Variants in TBC1D21 observed in about 807,000 individuals in gnomAD.
The protein encoded by TBC1D21 is TBC1 domain family member 21.
A neutral mutation model predicts 46.0 loss-of-function variants in TBC1D21; 38 were observed. That is an observed-to-expected ratio of 0.83 (90% CI 0.64 to 1.08). The LOEUF (loss-of-function observed/expected upper bound fraction) is 1.08, where lower values mean the gene tolerates loss of function less well. Ranked by LOEUF, TBC1D21 falls within the 50% of genes least tolerant of loss-of-function variation. The probability of loss-of-function intolerance (pLI) is 0.00; values close to 1 mark genes in which losing one functional copy is unlikely to be tolerated. For missense variants in TBC1D21, 415 were observed against 417.9 expected (o/e 0.99, Z 0.06); for synonymous variants, 151 against 157.2 (o/e 0.96, Z 0.29).
At chr15:73,894,951 G>C in the TBC1D21 span, among the ~76,000 whole-genome samples, 15 of 152,328 alleles carry the variant, frequency 9.8e-5, no homozygotes, top group African/African-American at 3.6e-4. Flanking sequence ...CTTGTAGTGG[G>C]GAAGAGATTC....
At chr15:73,897,904 G>T in the TBC1D21 span, among the ~76,000 whole-genome samples, 2 of 152,000 alleles carry the variant, frequency 1.3e-5, no homozygotes, top group Non-Finnish European at 2.9e-5. Flanking sequence ...CCTGTGAGCA[G>T]GTGCAGTGGG....
chr15:73,888,465 G>C lies in TBC1D21; in HGVS notation c.930G>C (p.Glu310Asp). 6.2e-7 allele frequency: 1 copy of C among 1,614,048 alleles called. No individual in the cohort carries two copies. The highest frequency in any genetic ancestry group is 8.5e-7 in the Non-Finnish European group (1 of 1,180,002). Residue 310 changes from glutamate (E) to aspartate (D), a missense_variant, in exon 10 of 11, where the codon GAG (glutamate) becomes GAC (aspartate). Glu to Asp is a conservative substitution (Grantham distance 45, BLOSUM62 2). Transcript: ENST00000300504. ...CNNLIDLDADELISAACVVYA... is the reference protein window; with the variant it reads ...CNNLIDLDADDLISAACVVYA... Reference sequence around the variant, plus strand: ...ACCTCATCGACCTTGATGCTGATGAGCTGATCTCTGCCGCCTGCGTGGTTT... The same window carrying C: ...ACCTCATCGACCTTGATGCTGATGACCTGATCTCTGCCGCCTGCGTGGTTT...
chr15:73,889,102 G>A lies in TBC1D21; in HGVS notation c.*1G>A. ...GACATTAAAGGATTTCTTCCTCTGA[G>A]GACACCAAAGCCCGCAGTGGACTGA... On this transcript the variant is annotated 3_prime_UTR_variant, in exon 11 of 11. Transcript: ENST00000300504. 1.2e-6 allele frequency: 2 copies of A among 1,612,802 alleles called. No homozygotes were observed. The highest frequency in any genetic ancestry group is 1.3e-5 in the African/African-American group (1 of 75,050).
chr15:73,901,809 CT>C, the TBC1D21 span, among the ~76,000 whole-genome samples: 23 of 151,536 alleles, frequency 1.5e-4, no homozygotes, highest in African/African-American at 3.9e-4. Flanking sequence ...CTCAAGATCC[CT>C]TTTTTTTTGT....
At chr15:73,899,791 C>T in the TBC1D21 span, among the ~76,000 whole-genome samples, 2 of 152,108 alleles carry the variant, frequency 1.3e-5, no homozygotes, top group African/African-American at 4.8e-5. Context: ...GGGGGCTGTA[C>T]AGAAAGGACT....
chr15:73,892,734 G>A (rs1022129795), downstream of TBC1D21, among the ~76,000 whole-genome samples: 15 of 152,226 alleles, frequency 9.9e-5, no homozygotes, highest in African/African-American at 2.7e-4. Flanking sequence ...AGTGCGAGCC[G>A]AATGCCTGCC....
chr15:73,881,605 G>A (rs766478246), intron 2 of TBC1D21, 39 bp from the exon 3 acceptor site: 9 of 1,604,332 alleles, frequency 5.6e-6, no homozygotes, highest in South Asian at 2.2e-5. Context: ...GGTAGGCATC[G>A]ATAGAGCCCA....
the TBC1D21 span, among the ~76,000 whole-genome samples, chr15:73,904,305 C>G: frequency 1.3e-5 from 2 of 152,308 alleles, no homozygotes; most frequent in Non-Finnish European, 2.9e-5. Context: ...CATGTGTGCA[C>G]TCTCCCCAGC....
At chr15:73,880,250 T>C (rs2141558965) in intron 1 of TBC1D21, among the ~76,000 whole-genome samples, 1 of 151,838 alleles carries the variant, frequency 6.6e-6, no homozygotes, top group South Asian at 2.1e-4. Flanking sequence ...CACTCACCTC[T>C]CTCCAACACA....
In TBC1D21 at chr15:73,874,248, T is replaced by C. The variant is rs1595815004; in HGVS notation, c.60+479T>C. On this transcript the variant is annotated intron_variant, in intron 1 of 10. Coordinates refer to ENST00000300504, the MANE Select transcript of TBC1D21 (RefSeq NM_153356.3). Reference sequence around the variant, plus strand: ...TACAATAACTTTAGCCAATCTTAAGTCTCATTAATCATAGTGATTAAGAGA... The same window carrying C: ...TACAATAACTTTAGCCAATCTTAAGCCTCATTAATCATAGTGATTAAGAGA... Among the ~76,000 whole-genome samples the C allele has an allele frequency of 2.0e-5, 3 of 152,322 alleles. 1 individual carries two copies. In the South Asian group the frequency reaches 6.2e-4, roughly 32 times the overall value.
the TBC1D21 span, among the ~76,000 whole-genome samples, chr15:73,904,047 C>CAA: frequency 3.9e-4 from 58 of 149,064 alleles, no homozygotes; most frequent in Admixed American, 1.5e-3. Flanking sequence ...GACTCCGTCT[C>CAA]AAAAAAATAT....
intron 3 of TBC1D21, 32 bp downstream of exon 3, chr15:73,881,779 G>A (rs150708213): frequency 5.0e-6 from 8 of 1,596,702 alleles, no homozygotes; most frequent in Admixed American, 3.3e-5. Context: ...TGGGACAGGA[G>A]GGGGGCCTGC....
intron 10 of TBC1D21, 95 bp from the exon 11 acceptor site, chr15:73,888,974 A>G (rs2068311144): frequency 6.7e-7 from 1 of 1,486,842 alleles, no homozygotes; most frequent in Admixed American, 1.8e-5. Context: ...GGGTCTGGGC[A>G]CCCAGAGGCT....
At chr15:73,904,086 T>G in the TBC1D21 span, among the ~76,000 whole-genome samples, 3 of 152,092 alleles carry the variant, frequency 2.0e-5, no homozygotes, top group Admixed American at 1.3e-4. Flanking sequence ...AACACAAAAT[T>G]TCTCATCTGC....
the TBC1D21 span, among the ~76,000 whole-genome samples, chr15:73,894,338 G>A: frequency 2.6e-5 from 4 of 152,224 alleles, no homozygotes; most frequent in African/African-American, 9.6e-5. Context: ...AAGCCCCACC[G>A]ATGGGCCGAG....
At chr15:73,905,647 C>T in the TBC1D21 span, among the ~76,000 whole-genome samples, 2 of 152,344 alleles carry the variant, frequency 1.3e-5, no homozygotes, top group South Asian at 4.1e-4. Context: ...GCAACTGCTA[C>T]AAACCAGGGC....
chr15:73,892,159 A>T (rs552657238), downstream of TBC1D21, among the ~76,000 whole-genome samples: 2 of 152,144 alleles, frequency 1.3e-5, no homozygotes, highest in African/African-American at 2.4e-5. Flanking sequence ...CTACCGGATG[A>T]CCTGTCTGTG....
At chr15:73,898,880 A>AAAAAAAAAAATATAT in the TBC1D21 span, among the ~76,000 whole-genome samples, 2 of 56,802 alleles carry the variant, frequency 3.5e-5, no homozygotes, top group South Asian at 6.1e-4. Flanking sequence ...AAAAAAAAAA[A>AAAAAAAAAAATATAT]ATATATATAT....
downstream of TBC1D21, among the ~76,000 whole-genome samples, chr15:73,891,088 A>C (rs1214220053): frequency 1.3e-5 from 2 of 152,252 alleles, no homozygotes; most frequent in East Asian, 3.9e-4. Context: ...GCTCATCTGC[A>C]GTACTCCCAG....
Sources: gnomAD v4.1 joint callset for allele counts (sites outside exome capture counted in the v4.1 genomes callset) on GRCh38, gnomAD v4.1.1 for gene constraint, MANE v1.5 for transcripts, NCBI Gene and HGNC (gene_info 2026-07-23, HGNC 2026-07-21) for gene names.